The following C1orf21 variants were observed in gnomAD, a reference collection of about 807,000 sequenced individuals.
The protein encoded by C1orf21 is uncharacterized protein C1orf21.
Under a neutral mutation model 18.7 loss-of-function variants are expected in C1orf21, and 3 were observed. The observed-to-expected ratio is 0.16, with a 90% CI of 0.07 to 0.42. The LOEUF (loss-of-function observed/expected upper bound fraction) is 0.42. Ranked by LOEUF, C1orf21 falls within the 10% of genes least tolerant of loss-of-function variation. The probability of loss-of-function intolerance (pLI) is 0.99; values close to 1 mark genes in which losing one functional copy is unlikely to be tolerated. For missense variants in C1orf21, 104 were observed against 143.6 expected, an observed-to-expected ratio of 0.72 and a Z score of 1.41; for synonymous variants, 41 against 46.4, an observed-to-expected ratio of 0.88 and a Z score of 0.47.
chr1:184,485,182 A>G lies in C1orf21; in HGVS notation c.94+7579A>G, dbSNP rs555643292. On this transcript the variant is annotated intron_variant, in intron 2 of 5. Coordinates refer to ENST00000235307, the MANE Select transcript of C1orf21 (RefSeq NM_030806.4). Reference sequence around the variant, plus strand: ...GTCCAGCACAGTACCCATGAGCCACATGTGGCTATTGAGCATGAGAAACGT... The same window carrying G: ...GTCCAGCACAGTACCCATGAGCCACGTGTGGCTATTGAGCATGAGAAACGT... Among the ~76,000 whole-genome samples, 11 of 152,296 alleles carry G rather than the reference A, an allele frequency of 7.2e-5. No homozygotes were observed. The South Asian group carries it at 2.3e-3, about 32-fold the overall frequency.
At chr1:184,590,625 A>C in intron 3 of C1orf21, 114 bp from the exon 4 acceptor site, 1 of 994,954 alleles carries the variant, frequency 1.0e-6, no homozygotes, top group Non-Finnish European at 1.5e-6. Flanking sequence ...TGAGGTAACC[A>C]GCCGTAGTAT....
chr1:184,536,640 T>A (rs757231128), intron 3 of C1orf21, among the ~76,000 whole-genome samples: 34 of 152,226 alleles, frequency 2.2e-4, no homozygotes, highest in Non-Finnish European at 4.1e-4. Flanking sequence ...TGCCATAGCA[T>A]GTGAGGTCCT....
chr1:184,469,062 C>G (rs1401404458), intron 1 of C1orf21, among the ~76,000 whole-genome samples: 9 of 151,760 alleles, frequency 5.9e-5, no homozygotes, highest in Admixed American at 5.9e-4. Flanking sequence ...TGGTGAAACC[C>G]TGTCTCTACT....
chr1:184,406,436 T>C (rs1372114498), intron 1 of C1orf21, among the ~76,000 whole-genome samples: 2 of 152,166 alleles, frequency 1.3e-5, no homozygotes, highest in African/African-American at 4.8e-5. Context: ...GTGTTGTTTT[T>C]TGGAAAATGA....
intron 1 of C1orf21, among the ~76,000 whole-genome samples, chr1:184,461,668 T>C (rs1207631274): frequency 6.6e-6 from 1 of 152,214 alleles, no homozygotes; most frequent in African/African-American, 2.4e-5. Context: ...AAGAACTCAT[T>C]ACACCGTGAA....
chr1:184,470,251 G>A (rs1246887680), intron 1 of C1orf21, among the ~76,000 whole-genome samples: 1 of 152,112 alleles, frequency 6.6e-6, no homozygotes, highest in East Asian at 1.9e-4. Context: ...AAAGCCCCAC[G>A]TCTGATTAGA....
rs1182753063 is a variant in C1orf21, at chr1:184,530,412, TG to T, written c.189+22731del. Among the ~76,000 whole-genome samples the T allele has an allele frequency of 5.9e-5, 9 of 152,252 alleles. No individual in the cohort carries two copies. In the East Asian group the frequency reaches 1.7e-3, roughly 29 times the overall value. Reference sequence around the variant, plus strand: ...GTGATAGCTTTGATGATGACAATGATGATGATGACAGTGATGATGAAGGCAA... The same window carrying T: ...GTGATAGCTTTGATGATGACAATGATATGATGACAGTGATGATGAAGGCAA... On this transcript the variant is annotated intron_variant, in intron 3 of 5. Coordinates refer to ENST00000235307, the MANE Select transcript of C1orf21 (RefSeq NM_030806.4).
intron 3 of C1orf21, chr1:184,566,714 G>A: frequency 2.6e-6 from 1 of 380,622 alleles, no homozygotes; most frequent in South Asian, 2.4e-5. Context: ...AAAGTCAGAA[G>A]AAACCAAGCC....
At chr1:184,413,735 G>C (rs1419926720) in intron 1 of C1orf21, among the ~76,000 whole-genome samples, 1 of 152,206 alleles carries the variant, frequency 6.6e-6, no homozygotes, top group Non-Finnish European at 1.5e-5. Flanking sequence ...CTGGAGCCTT[G>C]TGAAGAAGTG....
In C1orf21 at chr1:184,595,708, C is replaced by T. The variant is rs115172464; in HGVS notation, c.267-2693C>T. ...TGACCCGTGTGGGCATTTGCTCCCCCGGCAATGTCTGACACACTTCCAGTG... is the reference window on the plus strand; with the variant it reads ...TGACCCGTGTGGGCATTTGCTCCCCTGGCAATGTCTGACACACTTCCAGTG... On this transcript the variant is annotated intron_variant, in intron 4 of 5. Coordinates refer to ENST00000235307, the MANE Select transcript of C1orf21 (RefSeq NM_030806.4). Among the ~76,000 whole-genome samples, 73 of 152,266 alleles carry T rather than the reference C, an allele frequency of 4.8e-4. 1 individual carries two copies. In the Middle Eastern group the frequency reaches 0.014, roughly 28 times the overall value.
chr1:184,476,376 TG>T (rs1167393914), intron 1 of C1orf21, among the ~76,000 whole-genome samples: 1 of 151,968 alleles, frequency 6.6e-6, no homozygotes, highest in Non-Finnish European at 1.5e-5. Context: ...TGTATTACAG[TG>T]GGAGGGATGG....
In C1orf21 at chr1:184,410,911, C is replaced by T. The variant is rs79879943; in HGVS notation, c.-125+23543C>T. 1.5e-3 allele frequency among the ~76,000 whole-genome samples: 224 copies of T among 150,970 alleles called. 1 individual carries two copies. In the East Asian group the frequency reaches 0.015, roughly 10 times the overall value. On this transcript the variant is annotated intron_variant, in intron 1 of 5. Transcript: ENST00000235307. The stretch of plus-strand genomic sequence containing the variant: ...AGATGATACACCCGCCTTGGCCTGC[C>T]AAACTGTTGGGGTTACAGGGGTGAG...
intron 3 of C1orf21, among the ~76,000 whole-genome samples, chr1:184,547,705 T>C (rs1054577896): frequency 1.3e-5 from 2 of 152,216 alleles, no homozygotes; most frequent in African/African-American, 4.8e-5. Flanking sequence ...TTTTTAGCTA[T>C]CTTAAGTTAA....
At chr1:184,519,660 C>G (rs932992411) in intron 3 of C1orf21, among the ~76,000 whole-genome samples, 2 of 152,146 alleles carry the variant, frequency 1.3e-5, no homozygotes, top group African/African-American at 4.8e-5. Context: ...CTCTTATTCC[C>G]TATGTGTTGC....
At chr1:184,584,662 A>G (rs1352141052) in intron 3 of C1orf21, among the ~76,000 whole-genome samples, 1 of 152,236 alleles carries the variant, frequency 6.6e-6, no homozygotes, top group African/African-American at 2.4e-5. Flanking sequence ...AACTGAACAC[A>G]ATATCAATGT....
intron 5 of C1orf21, among the ~76,000 whole-genome samples, chr1:184,606,493 T>A (rs1334522064): frequency 6.6e-6 from 1 of 152,216 alleles, no homozygotes; most frequent in African/African-American, 2.4e-5. Flanking sequence ...GGCAGGAGGA[T>A]CACTTGAGCC....
At chr1:184,406,628 T>A (rs1656253064) in intron 1 of C1orf21, among the ~76,000 whole-genome samples, 1 of 152,196 alleles carries the variant, frequency 6.6e-6, no homozygotes, top group Non-Finnish European at 1.5e-5. Context: ...AAAGGGCTAT[T>A]CAGGAAGGAC....
intron 3 of C1orf21, chr1:184,566,725 A>G (rs547268278): frequency 9.9e-4 from 384 of 389,676 alleles, no homozygotes; most frequent in Non-Finnish European, 1.8e-3. Context: ...AAACCAAGCC[A>G]TCTGGGACTA....
At chr1:184,454,859 A>G (rs1657175023) in intron 1 of C1orf21, among the ~76,000 whole-genome samples, 1 of 152,188 alleles carries the variant, frequency 6.6e-6, no homozygotes, top group South Asian at 2.1e-4. Flanking sequence ...GTGTTTCTTT[A>G]TAGCAGTGCT....
Sources: allele counts gnomAD v4.1 joint callset (sites outside exome capture counted in the v4.1 genomes callset), GRCh38; gene constraint gnomAD v4.1.1; transcripts MANE v1.5; gene names NCBI Gene and HGNC (gene_info 2026-07-23, HGNC 2026-07-21).